The following PRKCA variants were observed in gnomAD, a reference collection of about 807,000 sequenced individuals.
PRKCA encodes protein kinase C alpha type.
Under a neutral mutation model 87.0 loss-of-function variants are expected in PRKCA, and 27 were observed. The observed-to-expected ratio is 0.31, with a 90% confidence interval of 0.23 to 0.43. The LOEUF is 0.43. PRKCA is among the 20% of genes least tolerant of loss of function. The pLI is 1.00. For synonymous variants in PRKCA, 329 were observed against 311.1 expected (o/e 1.06, Z -0.61); for missense variants, 518 against 852.3 (o/e 0.61, Z 4.88).
intron 2 of PRKCA, among the ~76,000 whole-genome samples, chr17:66,373,642 A>G (rs1031292569): frequency 6.6e-6 from 1 of 152,188 alleles, no homozygotes; most frequent in Admixed American, 6.5e-5. Context: ...ATGGCTTCCT[A>G]AATGTAGAAA....
chr17:66,697,184 A>T (rs1972944213), intron 8 of PRKCA, among the ~76,000 whole-genome samples: 1 of 152,240 alleles, frequency 6.6e-6, no homozygotes, highest in Non-Finnish European at 1.5e-5. Flanking sequence ...CTAAATAATC[A>T]CATAATCATA....
rs576741520 is a variant in PRKCA at position 66,745,300 on chromosome 17, C to T, written c.1524+2540C>T. Among the ~76,000 whole-genome samples, 38 of 152,306 alleles carry T rather than the reference C, an allele frequency of 2.5e-4. No homozygotes were observed. The South Asian group carries it at 7.7e-3, about 31-fold the overall frequency. ...CTCTAGATACTTTCACATCTGAAGC[C>T]TTCATTCCCCTCCTTACATCTACTG... On this transcript the variant is annotated intron_variant, in intron 13 of 16. Coordinates refer to ENST00000413366, the MANE Select transcript of PRKCA (RefSeq NM_002737.3).
At chr17:66,322,710 G>T (rs1367819525) in intron 2 of PRKCA, among the ~76,000 whole-genome samples, 2 of 148,448 alleles carry the variant, frequency 1.3e-5, no homozygotes, top group Non-Finnish European at 3.0e-5. Flanking sequence ...CTGACCTCAA[G>T]CAATCCTGTC....
chr17:66,585,866 G>T (rs1253956834), intron 3 of PRKCA, among the ~76,000 whole-genome samples: 1 of 152,202 alleles, frequency 6.6e-6, no homozygotes, highest in African/African-American at 2.4e-5. Flanking sequence ...AGCTGACAGG[G>T]TGCACAAGTT....
At chr17:66,643,009 CAGCCTGGGCAAACAAGAGTGAA>C (rs2143808695) in intron 4 of PRKCA, among the ~76,000 whole-genome samples, 1 of 152,222 alleles carries the variant, frequency 6.6e-6, no homozygotes, top group South Asian at 2.1e-4. Flanking sequence ...CATTGCACTC[CAGCCTGGGCAAACAAGAGTGAA>C]ACTCGGTCTC....
chr17:66,612,874 A>G (rs1970408004), intron 3 of PRKCA, among the ~76,000 whole-genome samples: 1 of 152,096 alleles, frequency 6.6e-6, no homozygotes, highest in Non-Finnish European at 1.5e-5. Flanking sequence ...TTTTTAAATT[A>G]TCATAATTGG....
At chr17:66,674,385 A>G (rs1972270619) in intron 5 of PRKCA, among the ~76,000 whole-genome samples, 1 of 152,274 alleles carries the variant, frequency 6.6e-6, no homozygotes, top group Non-Finnish European at 1.5e-5. Context: ...GCAGTTACTC[A>G]GTTCACGCAT....
intron 2 of PRKCA, among the ~76,000 whole-genome samples, chr17:66,400,022 A>G (rs1015567033): frequency 6.6e-6 from 1 of 152,160 alleles, no homozygotes; most frequent in East Asian, 1.9e-4. Flanking sequence ...ATTTTGGAGC[A>G]TTTCAGATTT....
intron 2 of PRKCA, among the ~76,000 whole-genome samples, chr17:66,472,091 G>A (rs1322920160): frequency 6.6e-6 from 1 of 152,136 alleles, no homozygotes; most frequent in Non-Finnish European, 1.5e-5. Context: ...AGCCTTCAGA[G>A]TAGCTAGGAT....
chr17:66,328,219 A>AT (rs1375156216), intron 2 of PRKCA, among the ~76,000 whole-genome samples: 32 of 151,656 alleles, frequency 2.1e-4, no homozygotes, highest in South Asian at 4.2e-4. Flanking sequence ...TTAAAAGACA[A>AT]TTTTTTTTGT....
At chr17:66,796,244 A>G (rs890001448) in intron 16 of PRKCA, among the ~76,000 whole-genome samples, 2 of 152,232 alleles carry the variant, frequency 1.3e-5, no homozygotes, top group African/African-American at 2.4e-5. Flanking sequence ...ATGTTTCTGT[A>G]TGTATAAACG....
chr17:66,732,217 G>T (rs1320668164), intron 8 of PRKCA, among the ~76,000 whole-genome samples: 2 of 151,734 alleles, frequency 1.3e-5, no homozygotes, highest in African/African-American at 4.8e-5. Flanking sequence ...ATTTTAAGCA[G>T]TTCCTCTCCA....
intron 2 of PRKCA, among the ~76,000 whole-genome samples, chr17:66,424,854 A>C (rs558021165): frequency 6.6e-6 from 1 of 150,410 alleles, no homozygotes; most frequent in African/African-American, 2.5e-5. Context: ...GGCTCAAGCG[A>C]TTCTCCCGCC....
Position 66,347,054 on chromosome 17 carries a change from G to T in PRKCA, c.205+40927G>T, listed in dbSNP as rs1250610724. ...TAAAAAAAAAAAAAAAATTATTGGG[G>T]ACTCTAAAGAGTTTTATTTACATAG... On this transcript the variant is annotated intron_variant, in intron 2 of 16. Transcript: ENST00000413366. Among the ~76,000 whole-genome samples the T allele has an allele frequency of 3.3e-5, 5 of 151,652 alleles. No individual in the cohort carries two copies. The South Asian group carries it at 8.3e-4, about 25-fold the overall frequency.
At chr17:66,529,014 C>T (rs1046107769) in intron 3 of PRKCA, among the ~76,000 whole-genome samples, 1 of 152,138 alleles carries the variant, frequency 6.6e-6, no homozygotes, top group African/African-American at 2.4e-5. Context: ...CAAATGGTTC[C>T]AGCCTTAATG....
chr17:66,419,767 A>G (rs558129980), intron 2 of PRKCA, among the ~76,000 whole-genome samples: 8 of 152,278 alleles, frequency 5.3e-5, no homozygotes, highest in African/African-American at 1.4e-4. Flanking sequence ...CATATGTTAA[A>G]GAAAAAAGAA....
Position 66,732,751 on chromosome 17 carries a change from T to A in PRKCA, c.982T>A (p.Ser328Thr). 2.5e-6 allele frequency: 4 copies of A among 1,614,166 alleles called. No homozygotes were observed. Among genetic ancestry groups the A allele is most frequent in the Non-Finnish European group, 3.4e-6 (4 of 1,180,034 alleles). The change falls in exon 9 of 17, where the codon TCC becomes ACC. Residue 328 changes from serine to threonine, a missense_variant. By Grantham distance (58) the Ser-to-Thr change is moderately conservative (BLOSUM62 1). Transcript: ENST00000413366. Reference sequence around the variant, plus strand: ...TCCCTCTGAAGACAGGAAACAACCTTCCAACAACCTTGACCGAGTGAAACT... The same window carrying A: ...TCCCTCTGAAGACAGGAAACAACCTACCAACAACCTTGACCGAGTGAAACT... Reference protein sequence around the residue: ...ISPSEDRKQPSNNLDRVKLTD... With the variant: ...ISPSEDRKQPTNNLDRVKLTD...
chr17:66,528,221 CAAAAAA>C (rs60533049), intron 3 of PRKCA, among the ~76,000 whole-genome samples: 6 of 85,940 alleles, frequency 7.0e-5, no homozygotes, highest in Admixed American at 1.3e-4. Context: ...AACTCTGTCT[CAAAAAA>C]AAAAAAAAAA....
chr17:66,574,858 A>G (rs928953030), intron 3 of PRKCA, among the ~76,000 whole-genome samples: 3 of 152,228 alleles, frequency 2.0e-5, no homozygotes, highest in Non-Finnish European at 4.4e-5. Context: ...GTAAGAGATT[A>G]ACAACAATAA....
Sources: allele counts gnomAD v4.1 joint callset (sites outside exome capture counted in the v4.1 genomes callset), GRCh38; gene constraint gnomAD v4.1.1; transcripts MANE v1.5; gene names NCBI Gene and HGNC (gene_info 2026-07-23, HGNC 2026-07-21).